The following ERCC6 variants were observed in gnomAD, a reference collection of about 807,000 sequenced individuals.
ERCC6 encodes the protein DNA excision repair protein ERCC-6.
ERCC6 carries 116 observed loss-of-function variants against 158.7 expected under a neutral mutation model. The observed-to-expected ratio is 0.73, with a 90% confidence interval of 0.63 to 0.85. The LOEUF (loss-of-function observed/expected upper bound fraction) is 0.85, where lower values mean the gene tolerates loss of function less well. Among genes scored for constraint, ERCC6 ranks in the 40% least tolerant of loss-of-function variants. The pLI is 0.00. For missense variants in ERCC6, 1,698 were observed against 1,799.4 expected (o/e 0.94, Z 1.02); for synonymous variants, 678 against 659.3 (o/e 1.03, Z -0.43).
rs74397002 is a variant in ERCC6 at position 49,484,724 on chromosome 10, C to T, written c.1822-1208G>A. 1.3e-3 allele frequency among the ~76,000 whole-genome samples: 204 copies of T among 152,170 alleles called. 3 individuals are homozygous for T. Among genetic ancestry groups the T allele is most frequent in the Middle Eastern group, 3.4e-3 (1 of 294 alleles). On this transcript the variant is annotated intron_variant, in intron 8 of 20. Transcript: ENST00000355832. The stretch of plus-strand genomic sequence containing the variant: ...CACTGCATTCCAGGCTAGACAACGG[C>T]GCAAGATCCTGACTCAAAAGAGAAA...
At chr10:49,500,819 C>T (rs563141393) in intron 6 of ERCC6, 123 bp from the exon 7 acceptor site, 7 of 992,866 alleles carry the variant, frequency 7.1e-6, no homozygotes, top group East Asian at 5.0e-5. Flanking sequence ...GAGAAACATG[C>T]GGGATGTGTG....
chr10:49,460,386 G>A lies in ERCC6; in HGVS notation c.4049C>T (p.Thr1350Ile). Residue 1350 changes from threonine (T) to isoleucine (I), a missense_variant, in exon 20 of 21, where the codon ACA becomes ATA. Physicochemically the swap from Thr to Ile is moderately conservative, Grantham distance 89. Transcript: ENST00000355832. ...TATCTATATTACCTGGCACTTCTCT[G>A]TTGGAGATGTTGATGAAGGATGCTG... ...SVQHPSSTSP[T>I]EKCQDGIMKK... 1 of 1,612,388 alleles carries A rather than the reference G, an allele frequency of 6.2e-7. No individual in the cohort carries two copies. Among genetic ancestry groups the A allele is most frequent in the South Asian group, 1.1e-5 (1 of 91,042 alleles).
intron 3 of ERCC6, 133 bp downstream of exon 3, chr10:49,530,587 C>T (rs1837446162): frequency 1.4e-6 from 2 of 1,424,242 alleles, no homozygotes; most frequent in African/African-American, 1.4e-5. Flanking sequence ...CAAAAGAAAC[C>T]CAAAATTTCT....
intron 5 of ERCC6, among the ~76,000 whole-genome samples, chr10:49,514,846 T>G (rs1395137976): frequency 1.3e-5 from 2 of 152,228 alleles, no homozygotes; most frequent in Non-Finnish European, 2.9e-5. Flanking sequence ...TTAGTCTAAT[T>G]TGCTAAATTG....
intron 20 of ERCC6, among the ~76,000 whole-genome samples, chr10:49,459,596 C>T (rs1327656229): frequency 6.6e-6 from 1 of 152,136 alleles, no homozygotes; most frequent in African/African-American, 2.4e-5. Context: ...GTGGGCTTTT[C>T]CTGTTCTTCC....
At chr10:49,515,938 T>C (rs1444510602) in intron 5 of ERCC6, 1 of 1,614,200 alleles carries the variant, frequency 6.2e-7, no homozygotes, top group Admixed American at 1.7e-5. Flanking sequence ...CTTTCTTTTT[T>C]CTTTAAAGCT....
chr10:49,469,028 A>G (rs746299606), intron 18 of ERCC6, among the ~76,000 whole-genome samples: 19 of 152,234 alleles, frequency 1.2e-4, no homozygotes, highest in Non-Finnish European at 1.3e-4. Flanking sequence ...AAAATAAATT[A>G]ATAAATAAAT....
chr10:49,462,290 C>A (rs1182208214), intron 18 of ERCC6, among the ~76,000 whole-genome samples: 2 of 152,150 alleles, frequency 1.3e-5, no homozygotes, highest in Non-Finnish European at 2.9e-5. Context: ...ATAAATGATG[C>A]TACAAACGTT....
chr10:49,482,934 C>T, intron 9 of ERCC6, 71 bp from the exon 10 acceptor site: 4 of 1,498,062 alleles, frequency 2.7e-6, no homozygotes, highest in Non-Finnish European at 2.8e-6. Context: ...CCCTAAAACG[C>T]TCCTCTGCAA....
At chr10:49,528,677 G>A in intron 3 of ERCC6, 152 bp from the exon 4 acceptor site, 1 of 1,018,574 alleles carries the variant, frequency 9.8e-7, no homozygotes, top group Non-Finnish European at 1.4e-6. Flanking sequence ...TATTACTAGA[G>A]AGCCCTATGT....
At chr10:49,539,416 G>A (rs867893818), upstream of ERCC6, 27 of 152,380 alleles carry the variant, frequency 1.8e-4, no homozygotes, top group African/African-American at 6.0e-4. Context: ...AGCTTGGGCA[G>A]GGAAGTTAGC....
intron 7 of ERCC6, 100 bp from the exon 8 acceptor site, chr10:49,493,352 C>CA: frequency 4.3e-6 from 6 of 1,404,818 alleles, no homozygotes; most frequent in East Asian, 4.7e-5. Flanking sequence ...AAACTTAGTT[C>CA]AAAAAAACAA....
intron 7 of ERCC6, among the ~76,000 whole-genome samples, chr10:49,494,107 G>A (rs1455270238): frequency 6.6e-6 from 1 of 152,204 alleles, no homozygotes; most frequent in Non-Finnish European, 1.5e-5. Context: ...AAAGCTGAAT[G>A]AACTATCCCA....
At position 49,533,056 on chromosome 10, in the gene ERCC6, G is replaced by C. The variant is rs183179468; in HGVS notation, c.-14-78C>G. The C allele has an allele frequency of 4.1e-5, 61 of 1,477,988 alleles. No homozygotes were observed. In the Admixed American group the frequency reaches 1.1e-3, roughly 26 times the overall value. The allele number at this position is 1,477,988 out of a possible 1,614,324, so 91.6% of individuals were successfully genotyped here. Reference sequence around the variant, plus strand: ...TCTTAAATATTTTATAATTAGAGCAGACTGATTTCTCAAAAGATCAAGTAA... The same window carrying C: ...TCTTAAATATTTTATAATTAGAGCACACTGATTTCTCAAAAGATCAAGTAA... On this transcript the variant is annotated intron_variant, in intron 1 of 20. Coordinates refer to ENST00000355832, the MANE Select transcript of ERCC6 (RefSeq NM_000124.4).
chr10:49,505,627 C>T (rs1052081769), intron 6 of ERCC6: 3 of 389,444 alleles, frequency 7.7e-6, no homozygotes, highest in Non-Finnish European at 9.1e-6. Context: ...AAATGTGTTG[C>T]TTTTAGTCTG....
Position 49,483,486 on chromosome 10 carries a change from G to C in ERCC6, c.1852C>G (p.His618Asp). Residue 618 changes from histidine to aspartate, a missense_variant, in exon 9 of 21, where the codon CAT (histidine) becomes GAT (aspartate). Transcript: ENST00000355832. ...EKLIRDVAHC[H>D]GILITSYSYI... ...GAGTAAGATGTGATCAAAATTCCAT[G>C]ACAATGAGCAACATCTCGAATTAGT... The C allele has an allele frequency of 1.9e-6, 3 of 1,614,100 alleles. No individual in the cohort carries two copies. The highest frequency in any genetic ancestry group is 2.5e-6 in the Non-Finnish European group (3 of 1,180,008).
intron 3 of ERCC6, among the ~76,000 whole-genome samples, chr10:49,528,906 C>T (rs894079211): frequency 6.6e-6 from 1 of 152,156 alleles, no homozygotes; most frequent in Non-Finnish European, 1.5e-5. Context: ...TGATTCAGAA[C>T]CAATGGGCTA....
chr10:49,478,058 C>T (rs553333662), intron 11 of ERCC6, among the ~76,000 whole-genome samples: 2 of 152,174 alleles, frequency 1.3e-5, no homozygotes, highest in South Asian at 2.1e-4. Context: ...CCTAGGATCA[C>T]GACAGGCATA....
chr10:49,472,977 C>T lies in ERCC6; in HGVS notation c.2761G>A (p.Val921Ile). The T allele has an allele frequency of 1.2e-6, 2 of 1,614,158 alleles. No homozygotes were observed. Among genetic ancestry groups the T allele is most frequent in the Non-Finnish European group, 1.7e-6 (2 of 1,180,028 alleles). The change falls in exon 15 of 21, where the codon GTC becomes ATC. Residue 921 changes from valine (V) to isoleucine (I), a missense_variant. By Grantham distance (29) the Val-to-Ile change is conservative. Coordinates refer to ENST00000355832, the MANE Select transcript of ERCC6 (RefSeq NM_000124.4). ...ACTCTGTTTGCCCCCGTCAGGTTGA[C>T]ACCTAAGCCGCCCACCCGCGTGGTC... is the stretch of plus-strand genomic sequence containing the variant. Reference protein sequence around the residue: ...LLTTRVGGLGVNLTGANRVVI... With the variant: ...LLTTRVGGLGINLTGANRVVI...
Sources: allele counts gnomAD v4.1 joint callset (sites outside exome capture counted in the v4.1 genomes callset), GRCh38; gene constraint gnomAD v4.1.1; transcripts MANE v1.5; gene names NCBI Gene and HGNC (gene_info 2026-07-23, HGNC 2026-07-21).